The following PREP variants were observed in gnomAD, a reference collection of about 807,000 sequenced individuals.
The protein encoded by PREP is dJ355L5.1 (prolyl endopeptidase).
PREP carries 29 observed loss-of-function variants against 87.6 expected under a neutral mutation model. That is an observed-to-expected ratio of 0.33 (90% CI 0.25 to 0.45). The LOEUF (loss-of-function observed/expected upper bound fraction) is 0.45. Among genes scored for constraint, PREP ranks in the 20% least tolerant of loss-of-function variants. The probability of loss-of-function intolerance (pLI) is 1.00; values close to 1 mark genes in which losing one functional copy is unlikely to be tolerated. For missense variants in PREP, 695 were observed against 886.5 expected (o/e 0.78, Z 2.74); for synonymous variants, 337 against 328.6 (o/e 1.03, Z -0.28).
At chr6:105,315,245 C>G (rs1770836131) in intron 10 of PREP, among the ~76,000 whole-genome samples, 1 of 152,142 alleles carries the variant, frequency 6.6e-6, no homozygotes, top group Non-Finnish European at 1.5e-5. Context: ...CTCACTGAAG[C>G]CTTGAACCCC....
chr6:105,340,358 C>T (rs1182339317), intron 7 of PREP, among the ~76,000 whole-genome samples: 1 of 152,088 alleles, frequency 6.6e-6, no homozygotes, highest in Non-Finnish European at 1.5e-5. Flanking sequence ...ATTTTGTCAC[C>T]ACCAGGCCTG....
chr6:105,394,965 T>G (rs1015039849), intron 2 of PREP, among the ~76,000 whole-genome samples: 1 of 152,158 alleles, frequency 6.6e-6, no homozygotes, highest in Non-Finnish European at 1.5e-5. Context: ...GGGACATTAT[T>G]TGTAATAGTG....
chr6:105,373,016 G>A (rs886933740), intron 5 of PREP, among the ~76,000 whole-genome samples: 1 of 152,276 alleles, frequency 6.6e-6, no homozygotes, highest in Non-Finnish European at 1.5e-5. Context: ...ATGTGAGCAA[G>A]CCCAGGCTAG....
intron 10 of PREP, 56 bp from the exon 11 acceptor site, chr6:105,288,950 G>A (rs1409849362): frequency 6.5e-7 from 1 of 1,527,208 alleles, no homozygotes; most frequent in Non-Finnish European, 9.0e-7. Flanking sequence ...GATACTGCGT[G>A]CTTTTAAATG....
Position 105,278,051 on chromosome 6 carries a change from G to T in PREP, c.*93C>A. 7.0e-7 allele frequency: 1 copy of T among 1,433,818 alleles called. No individual in the cohort carries two copies. Among genetic ancestry groups the T allele is most frequent in the Non-Finnish European group, 9.5e-7 (1 of 1,047,638 alleles). The allele number at this position is 1,433,818 out of a possible 1,614,324, so 88.8% of individuals were successfully genotyped here. On this transcript the variant is annotated 3_prime_UTR_variant, in exon 15 of 15. Transcript: ENST00000652536. This position sits in a 1 kb window ranked among gnomAD's most constrained non-coding sequence, Gnocchi z 4.2. ...CTGTGAGTGCAGGAATAATGTTCCC[G>T]TGGGGAAGCATTATGCCCAGTGGTT...
chr6:105,308,980 G>A (rs1214157096), intron 10 of PREP, among the ~76,000 whole-genome samples: 2 of 152,098 alleles, frequency 1.3e-5, no homozygotes, highest in Non-Finnish European at 2.9e-5. Flanking sequence ...AGTAGAGGAT[G>A]GAGGGCCAGG....
intron 10 of PREP, among the ~76,000 whole-genome samples, chr6:105,319,730 C>T (rs1383867470): frequency 6.6e-6 from 1 of 152,220 alleles, no homozygotes; most frequent in Non-Finnish European, 1.5e-5. Flanking sequence ...TCCCTCAAAG[C>T]CCTGCCCAAC....
At chr6:105,352,071 C>T (rs1583074887) in intron 7 of PREP, among the ~76,000 whole-genome samples, 1 of 152,098 alleles carries the variant, frequency 6.6e-6, no homozygotes, top group African/African-American at 2.4e-5. Flanking sequence ...AGATTAGAAA[C>T]TAATAATGAG....
chr6:105,333,450 C>T lies in PREP; in HGVS notation c.879G>A (p.Val293=). 1 of 1,614,144 alleles carries T rather than the reference C, an allele frequency of 6.2e-7. No homozygotes were observed. The highest frequency in any genetic ancestry group is 8.5e-7 in the Non-Finnish European group (1 of 1,180,022). The change falls in exon 8 of 15, where the codon GTG becomes GTA. Residue 293 remains valine (V), a synonymous_variant. Coordinates refer to ENST00000652536, the MANE Select transcript of PREP (RefSeq NM_002726.5). ...ATGTGAACACCGTCCCCTCATTGGTCACGTAGTCATATTCCCCTTCAAAGT... is the reference window on the plus strand; with the variant it reads ...ATGTGAACACCGTCCCCTCATTGGTTACGTAGTCATATTCCCCTTCAAAGT... ...IDNFEGEYDY[V]TNEGTVFTFK...
At chr6:105,361,158 ACC>A (rs1249904748) in intron 6 of PREP, among the ~76,000 whole-genome samples, 1 of 152,218 alleles carries the variant, frequency 6.6e-6, no homozygotes, top group Non-Finnish European at 1.5e-5. Flanking sequence ...TTTCCAAATG[ACC>A]AAAGTAAACA....
intron 10 of PREP, among the ~76,000 whole-genome samples, 182 bp downstream of exon 10, chr6:105,323,483 C>T (rs1180567604): frequency 2.6e-5 from 4 of 152,118 alleles, no homozygotes; most frequent in African/African-American, 9.7e-5. Flanking sequence ...GGGAGGGCAG[C>T]GACTATGCCA....
At chr6:105,331,643 C>T (rs1158492695) in intron 8 of PREP, among the ~76,000 whole-genome samples, 2 of 152,166 alleles carry the variant, frequency 1.3e-5, no homozygotes, top group African/African-American at 4.8e-5. Flanking sequence ...TGTAACTACC[C>T]TTAGGGGGAC....
At position 105,282,592 on chromosome 6, in the gene PREP, G is replaced by C; in HGVS notation, c.1550-10C>G. 6.2e-7 allele frequency: 1 copy of C among 1,607,136 alleles called. No homozygotes were observed. The highest frequency in any genetic ancestry group is 2.2e-5 in the East Asian group (1 of 44,820). Reference sequence around the variant, plus strand: ...TTGGCCAAGATACCACCTACAGTGTGCCAAAGTGGAAGATAGTTAATTAAC... The same window carrying C: ...TTGGCCAAGATACCACCTACAGTGTCCCAAAGTGGAAGATAGTTAATTAAC... On this transcript the variant is annotated splice_polypyrimidine_tract_variant and intron_variant, in intron 12 of 14. Coordinates refer to ENST00000652536, the MANE Select transcript of PREP (RefSeq NM_002726.5).
rs1188246046 is a variant in PREP at position 105,353,070 on chromosome 6, T to C, written c.725A>G (p.Asp242Gly). Residue 242 changes from aspartate (D) to glycine (G), a missense_variant, in exon 7 of 15, where the codon GAT becomes GGT. Physicochemically the swap from Asp to Gly is moderately conservative, Grantham distance 94. Coordinates refer to ENST00000652536, the MANE Select transcript of PREP (RefSeq NM_002726.5). Reference protein sequence around the residue: ...PKWMGGAELSDDGRYVLLSIR... With the variant: ...PKWMGGAELSGDGRYVLLSIR... Reference sequence around the variant, plus strand: ...TGATAACAAGACATAGCGGCCATCATCAGATAACTAAAAAAGAAAAAAAAA... The same window carrying C: ...TGATAACAAGACATAGCGGCCATCACCAGATAACTAAAAAAGAAAAAAAAA... 3.7e-6 allele frequency: 6 copies of C among 1,612,360 alleles called. No homozygotes were observed. The highest frequency in any genetic ancestry group is 2.5e-6 in the Non-Finnish European group (3 of 1,178,826).
At chr6:105,322,065 C>T (rs886634629) in intron 10 of PREP, among the ~76,000 whole-genome samples, 3 of 151,930 alleles carry the variant, frequency 2.0e-5, no homozygotes, top group African/African-American at 7.3e-5. Flanking sequence ...GATAGGGACA[C>T]ATTTTCTACA....
At position 105,368,942 on chromosome 6, in the gene PREP, A is replaced by G. The variant is rs1310376424; in HGVS notation, c.678T>C (p.Ala226=). Residue 226 remains alanine (A), a synonymous_variant, in exon 6 of 15, where the codon GCT becomes GCC. Transcript: ENST00000652536. ...GTDQSEDILC[A]EFPDEPKWMG... ...TCCATTTAGGTTCATCAGGAAACTC[A>G]GCACACAAAATATCTTCTGACTGAT... 1 of 1,614,112 alleles carries G rather than the reference A, an allele frequency of 6.2e-7. No homozygotes were observed. The highest frequency in any genetic ancestry group is 1.7e-4 in the Middle Eastern group (1 of 6,058).
intron 6 of PREP, among the ~76,000 whole-genome samples, chr6:105,363,785 G>A (rs1471345392): frequency 7.2e-5 from 11 of 152,310 alleles, no homozygotes; most frequent in Admixed American, 6.5e-4. Context: ...GGTGGAGGAA[G>A]GAAAGGCAGA....
intron 2 of PREP, among the ~76,000 whole-genome samples, chr6:105,380,543 G>A (rs77505014): frequency 2.0e-5 from 3 of 152,166 alleles, no homozygotes; most frequent in Non-Finnish European, 4.4e-5. Context: ...ACAGTGGTTC[G>A]GGTGAGAGAC....
intron 4 of PREP, among the ~76,000 whole-genome samples, chr6:105,375,416 A>C (rs1467606393): frequency 6.6e-6 from 1 of 152,248 alleles, no homozygotes; most frequent in Non-Finnish European, 1.5e-5. Flanking sequence ...GTTTACAATT[A>C]TTAAAATACA....
Sources: gnomAD v4.1 joint callset for allele counts (sites outside exome capture counted in the v4.1 genomes callset) on GRCh38, gnomAD v4.1.1 for gene constraint, Gnocchi (gnomAD v3.1) non-coding constraint, MANE v1.5 for transcripts, NCBI Gene and HGNC (gene_info 2026-07-23, HGNC 2026-07-21) for gene names.